The following DNAH3 variants were observed in gnomAD, a reference collection of about 807,000 sequenced individuals.
DNAH3 encodes the protein dynein axonemal heavy chain 3.
DNAH3 carries 332 observed loss-of-function variants against 432.5 expected under a neutral mutation model. The observed-to-expected ratio is 0.77, with a 90% confidence interval of 0.70 to 0.84. The LOEUF (loss-of-function observed/expected upper bound fraction) is 0.84. Ranked by LOEUF, DNAH3 falls within the 40% of genes least tolerant of loss-of-function variation. The pLI is 0.00. For synonymous variants in DNAH3, 1,956 were observed against 1,900.2 expected, an observed-to-expected ratio of 1.03 and a Z score of -0.76; for missense variants, 4,861 against 5,114.0, an observed-to-expected ratio of 0.95 and a Z score of 1.51.
intron 19 of DNAH3, among the ~76,000 whole-genome samples, chr16:21,082,861 G>T (rs976855742): frequency 4.0e-5 from 6 of 150,934 alleles, no homozygotes; most frequent in Non-Finnish European, 7.4e-5. Context: ...AATGGCTCAC[G>T]TTATATTTGT....
intron 14 of DNAH3, among the ~76,000 whole-genome samples, chr16:21,107,010 T>A (rs1162135351): frequency 6.6e-6 from 1 of 152,034 alleles, no homozygotes; most frequent in African/African-American, 2.4e-5. Flanking sequence ...TATCTATACT[T>A]TATAATGGAA....
intron 50 of DNAH3, 141 bp downstream of exon 50, chr16:20,979,189 G>A: frequency 1.5e-6 from 1 of 685,346 alleles, no homozygotes; most frequent in Non-Finnish European, 2.5e-6. Flanking sequence ...TTACAGTGAT[G>A]TAGGTAAGGT....
Position 21,145,401 on chromosome 16 carries a change from GA to G in DNAH3, c.227del (p.Val76AlafsTer10). ...AGGGCGGGTAAAAGCTGTGTGACATGACAGTCTACGAGGTAAGAAGTGCAGA... is the reference window on the plus strand; with the variant it reads ...AGGGCGGGTAAAAGCTGTGTGACATGCAGTCTACGAGGTAAGAAGTGCAGA... On this transcript the variant is annotated frameshift_variant, in exon 3 of 62. Transcript: ENST00000261383. LOFTEE classifies it high-confidence loss of function. 1 of 1,613,596 alleles carries G rather than the reference GA, an allele frequency of 6.2e-7. No homozygotes were observed. The highest frequency in any genetic ancestry group is 8.5e-7 in the Non-Finnish European group (1 of 1,179,750).
At chr16:21,138,965 C>T (rs2092681804) in intron 5 of DNAH3, among the ~76,000 whole-genome samples, 1 of 152,192 alleles carries the variant, frequency 6.6e-6, no homozygotes, top group South Asian at 2.1e-4. Flanking sequence ...GAACCTGGGT[C>T]TCAAGTGGGG....
intron 31 of DNAH3, 66 bp from the exon 32 acceptor site, chr16:21,042,269 G>C: frequency 1.4e-6 from 2 of 1,481,350 alleles, no homozygotes; most frequent in Non-Finnish European, 1.8e-6. Context: ...TACTCTACCG[G>C]AGTCCTCCCA....
At position 21,081,535 on chromosome 16, in the gene DNAH3, A is replaced by G. The variant is rs556958979; in HGVS notation, c.2969+101T>C. On this transcript the variant is annotated intron_variant, in intron 20 of 61. Coordinates refer to ENST00000261383, the Ensembl canonical transcript of DNAH3. ...CCTTAAGCCACCCTACGCCACAAGG[A>G]AAAAAAAACAAACAGCCCGATATGG... 8.7e-5 allele frequency: 78 copies of G among 899,824 alleles called. 1 individual carries two copies. Among genetic ancestry groups the G allele is most frequent in the East Asian group, 7.4e-4 (29 of 39,204 alleles). 55.7% of individuals were successfully genotyped at this position (899,824 alleles called of 1,614,324 possible).
At chr16:21,037,160 T>C (rs951639506) in intron 34 of DNAH3, among the ~76,000 whole-genome samples, 17 of 152,100 alleles carry the variant, frequency 1.1e-4, no homozygotes, top group African/African-American at 4.1e-4. Context: ...AATACAAAAT[T>C]CAGCTGTGCA....
At position 20,988,508 on chromosome 16, in the gene DNAH3, G is replaced by A. The variant is rs188662062; in HGVS notation, c.6602-443C>T. Reference sequence around the variant, plus strand: ...CAGTTCACTGCAACCTCCGCCTCCCGGGCTCAAGAGATTCTCCAGCCTCAG... The same window carrying A: ...CAGTTCACTGCAACCTCCGCCTCCCAGGCTCAAGAGATTCTCCAGCCTCAG... On this transcript the variant is annotated intron_variant, in intron 44 of 61. Transcript: ENST00000261383. 1.7e-3 allele frequency among the ~76,000 whole-genome samples: 265 copies of A among 152,216 alleles called. 2 individuals are homozygous for A. The highest frequency in any genetic ancestry group is 0.013 in the Admixed American group (191 of 15,274).
At position 21,081,620 on chromosome 16, in the gene DNAH3, G is replaced by A; in HGVS notation, c.2969+16C>T. 1 of 1,603,146 alleles carries A rather than the reference G, an allele frequency of 6.2e-7. No homozygotes were observed. Among genetic ancestry groups the A allele is most frequent in the East Asian group, 2.2e-5 (1 of 44,726 alleles). On this transcript the variant is annotated intron_variant, in intron 20 of 61. Coordinates refer to ENST00000261383, the Ensembl canonical transcript of DNAH3. Reference sequence around the variant, plus strand: ...TTTGACCAAAACCTTATCTGAAGGAGGGGATAAGCCCTTACTTTTCAACGA... The same window carrying A: ...TTTGACCAAAACCTTATCTGAAGGAAGGGATAAGCCCTTACTTTTCAACGA...
chr16:20,960,805 A>G (rs932932229), intron 53 of DNAH3, among the ~76,000 whole-genome samples: 3 of 152,354 alleles, frequency 2.0e-5, no homozygotes, highest in Non-Finnish European at 2.9e-5. Flanking sequence ...CTGGATGGAA[A>G]AAATAACTCT....
chr16:21,064,639 G>A (rs1389103808), intron 24 of DNAH3, among the ~76,000 whole-genome samples: 1 of 152,038 alleles, frequency 6.6e-6, no homozygotes, highest in African/African-American at 2.4e-5. Context: ...GATCTCTATG[G>A]ATATACACTC....
At chr16:20,976,586 T>C (rs1296545840) in intron 50 of DNAH3, among the ~76,000 whole-genome samples, 1 of 152,210 alleles carries the variant, frequency 6.6e-6, no homozygotes, top group African/African-American at 2.4e-5. Flanking sequence ...CTTTTTCCAA[T>C]AGTATTGTGG....
chr16:21,134,138 T>C lies in DNAH3; in HGVS notation c.1082+121A>G. ...TTCACATGCATATTTGGCCTAGATT[T>C]TTTTTTCTTTCATTTCTCTATGCTG... On this transcript the variant is annotated intron_variant, in intron 7 of 61. Transcript: ENST00000261383. The C allele has an allele frequency of 2.9e-6, 3 of 1,023,462 alleles. No homozygotes were observed. In the African/African-American group the frequency reaches 4.9e-5, roughly 17 times the overall value. 63.4% of individuals were successfully genotyped at this position (1,023,462 alleles called of 1,614,324 possible).
intron 24 of DNAH3, among the ~76,000 whole-genome samples, chr16:21,067,068 A>C (rs2090578611): frequency 6.6e-6 from 1 of 152,212 alleles, no homozygotes; most frequent in African/African-American, 2.4e-5. Flanking sequence ...GGTTTGGACA[A>C]CGTGTGCATT....
intron 39 of DNAH3, among the ~76,000 whole-genome samples, chr16:21,023,898 C>G (rs922345995): frequency 3.3e-5 from 5 of 151,958 alleles, no homozygotes; most frequent in African/African-American, 1.2e-4. Context: ...GACAGACATT[C>G]AGCCGTCCTA....
At chr16:21,000,380 G>T in exon 43 of DNAH3, 1 of 1,614,186 alleles carries the variant, frequency 6.2e-7, no homozygotes, top group South Asian at 1.1e-5. Flanking sequence ...GGAAGGTGGA[G>T]AAGGAAGTTG....
Position 21,054,415 on chromosome 16 carries a change from CTTA to C in DNAH3, c.4039+2_4039+4del. The C allele has an allele frequency of 6.2e-7, 1 of 1,611,380 alleles. No homozygotes were observed. Among genetic ancestry groups the C allele is most frequent in the Non-Finnish European group, 8.5e-7 (1 of 1,177,588 alleles). ...AGTAATGACAGGGGAAGCCCCCTGG[CTTA>C]CCGTGGACATCGATGACCGTGAGGG... On this transcript the variant is annotated splice_donor_variant and splice_donor_region_variant and intron_variant, in intron 28 of 61. Transcript: ENST00000261383. LOFTEE classifies it high-confidence loss of function.
rs961457645 is a variant in DNAH3, at chr16:21,095,774, G to GT, written c.2665+1580dup. The stretch of plus-strand genomic sequence containing the variant: ...AAACACTTGGTAATTTATAAATACT[G>GT]TTTTTTTTGAGACAGGGTCTCGCTC... On this transcript the variant is annotated intron_variant, in intron 18 of 61. Coordinates refer to ENST00000261383, the Ensembl canonical transcript of DNAH3. Among the ~76,000 whole-genome samples the GT allele has an allele frequency of 4.0e-5, 6 of 151,814 alleles. No homozygotes were observed. The South Asian group carries it at 8.3e-4, about 21-fold the overall frequency.
At chr16:21,133,908 T>C (rs958441064) in intron 7 of DNAH3, among the ~76,000 whole-genome samples, 3 of 152,162 alleles carry the variant, frequency 2.0e-5, no homozygotes, top group Non-Finnish European at 4.4e-5. Context: ...ATCGCAAATT[T>C]AGAGGTAAAG....
Sources: allele counts gnomAD v4.1 joint callset (sites outside exome capture counted in the v4.1 genomes callset), GRCh38; gene constraint gnomAD v4.1.1; transcripts MANE v1.5; gene names NCBI Gene and HGNC (gene_info 2026-07-23, HGNC 2026-07-21).